The following SPOCK1 variants were observed in gnomAD, a reference collection of about 807,000 sequenced individuals.
SPOCK1 encodes SPARC (osteonectin), cwcv and kazal like domains proteoglycan 1.
Under a neutral mutation model 55.3 loss-of-function variants are expected in SPOCK1, and 23 were observed. That is an observed-to-expected ratio of 0.42 (90% confidence interval 0.30 to 0.59). The LOEUF (loss-of-function observed/expected upper bound fraction) is 0.59, where lower values mean the gene tolerates loss of function less well. Ranked by LOEUF, SPOCK1 falls within the 20% of genes least tolerant of loss-of-function variation. The pLI is 0.22. For synonymous variants in SPOCK1, 226 were observed against 221.0 expected (o/e 1.02, Z -0.20); for missense variants, 499 against 552.5 (o/e 0.90, Z 0.97).
intron 3 of SPOCK1, among the ~76,000 whole-genome samples, chr5:137,155,768 T>C (rs1754404794): frequency 6.6e-6 from 1 of 152,228 alleles, no homozygotes; most frequent in Non-Finnish European, 1.5e-5. Context: ...CCCTGGCATG[T>C]TCCTTTCTCT....
chr5:137,359,395 T>C (rs1330626171), intron 2 of SPOCK1, among the ~76,000 whole-genome samples: 1 of 152,224 alleles, frequency 6.6e-6, no homozygotes, highest in East Asian at 1.9e-4. Context: ...ATCCAGAGCA[T>C]ACAAAATCAA....
At chr5:137,067,627 C>G (rs140565702) in intron 6 of SPOCK1, 88 bp downstream of exon 6, 2 of 1,143,270 alleles carry the variant, frequency 1.7e-6, no homozygotes, top group South Asian at 1.3e-5. Flanking sequence ...CAGTTTGTTC[C>G]TAGTGCCTGG....
intron 2 of SPOCK1, among the ~76,000 whole-genome samples, chr5:137,425,761 T>C (rs988920059): frequency 7.9e-5 from 12 of 152,094 alleles, no homozygotes; most frequent in Non-Finnish European, 1.2e-4. Flanking sequence ...TACATGGAAA[T>C]TTAGAAAGGA....
chr5:137,205,531 C>G (rs919988), intron 3 of SPOCK1, among the ~76,000 whole-genome samples: 60,303 of 152,048 alleles, frequency 0.4, 13,119 homozygotes, highest in Non-Finnish European at 0.48. Flanking sequence ...TTGTCTGAGT[C>G]GGGTGGCAGG....
At chr5:137,314,616 T>C (rs1351832685) in intron 2 of SPOCK1, among the ~76,000 whole-genome samples, 1 of 152,224 alleles carries the variant, frequency 6.6e-6, no homozygotes, top group Admixed American at 6.5e-5. Flanking sequence ...CTGTTCTCTA[T>C]GAAAAGTAGC....
At chr5:137,318,767 A>G (rs999893723) in intron 2 of SPOCK1, among the ~76,000 whole-genome samples, 5 of 152,234 alleles carry the variant, frequency 3.3e-5, no homozygotes, top group African/African-American at 4.8e-5. Flanking sequence ...ACCAGAGCAT[A>G]TATGAGACAG....
At chr5:137,452,317 C>A (rs1385410612) in intron 2 of SPOCK1, among the ~76,000 whole-genome samples, 1 of 152,124 alleles carries the variant, frequency 6.6e-6, no homozygotes, top group Non-Finnish European at 1.5e-5. Flanking sequence ...TATACCAATT[C>A]TGCTGGCTTG....
intron 3 of SPOCK1, among the ~76,000 whole-genome samples, chr5:137,239,804 T>C (rs544176095): frequency 1.3e-5 from 2 of 152,246 alleles, no homozygotes; most frequent in East Asian, 1.9e-4. Flanking sequence ...TTAACTTACA[T>C]TGAATAAGGG....
At chr5:137,388,399 G>A (rs1399802808) in intron 2 of SPOCK1, among the ~76,000 whole-genome samples, 1 of 151,874 alleles carries the variant, frequency 6.6e-6, no homozygotes, top group Non-Finnish European at 1.5e-5. Flanking sequence ...GGGGTATGTG[G>A]CGGGAGGGAG....
chr5:137,342,826 G>A (rs1180905996), intron 2 of SPOCK1, among the ~76,000 whole-genome samples: 4 of 152,160 alleles, frequency 2.6e-5, no homozygotes, highest in Admixed American at 6.5e-5. Context: ...CTCCAAGTTC[G>A]GTGCCCTTTT....
At chr5:137,358,018 A>C (rs1165174242) in intron 2 of SPOCK1, among the ~76,000 whole-genome samples, 1 of 152,152 alleles carries the variant, frequency 6.6e-6, no homozygotes, top group Non-Finnish European at 1.5e-5. Context: ...CCTTCTGACA[A>C]GGACTTCTGG....
At chr5:137,403,437 A>C (rs1449500177) in intron 2 of SPOCK1, among the ~76,000 whole-genome samples, 3 of 152,212 alleles carry the variant, frequency 2.0e-5, no homozygotes, top group Admixed American at 6.5e-5. Flanking sequence ...CAAACAAACA[A>C]AAAAATCCTT....
intron 2 of SPOCK1, among the ~76,000 whole-genome samples, chr5:137,288,695 G>A (rs553488386): frequency 6.6e-6 from 1 of 152,312 alleles, no homozygotes; most frequent in African/African-American, 2.4e-5. Flanking sequence ...TTTACATACA[G>A]AATTCTAAGC....
chr5:137,003,401 A>G (rs1363782265), intron 6 of SPOCK1, among the ~76,000 whole-genome samples: 1 of 152,204 alleles, frequency 6.6e-6, no homozygotes, highest in Non-Finnish European at 1.5e-5. Context: ...TCTGTCTCAT[A>G]AATAAATAAA....
chr5:137,127,188 T>C (rs1021423305), intron 4 of SPOCK1, among the ~76,000 whole-genome samples: 12 of 152,114 alleles, frequency 7.9e-5, no homozygotes, highest in Non-Finnish European at 1.6e-4. Context: ...AGAGCTATCA[T>C]CAAAGACAAG....
chr5:137,463,529 G>C (rs371218377), intron 2 of SPOCK1, among the ~76,000 whole-genome samples: 2 of 151,716 alleles, frequency 1.3e-5, no homozygotes, highest in East Asian at 1.9e-4. Flanking sequence ...AGGGTAGTGG[G>C]GGGGTGTTGG....
At chr5:137,149,586 C>CT (rs1249557219) in intron 3 of SPOCK1, among the ~76,000 whole-genome samples, 1 of 152,208 alleles carries the variant, frequency 6.6e-6, no homozygotes, top group Non-Finnish European at 1.5e-5. Context: ...CTCACACAGT[C>CT]TATCTTTTGT....
At chr5:137,391,224 C>T (rs546687459) in intron 2 of SPOCK1, among the ~76,000 whole-genome samples, 4 of 152,256 alleles carry the variant, frequency 2.6e-5, no homozygotes, top group East Asian at 3.9e-4. Flanking sequence ...CTGCAAAAGA[C>T]GTGAACTCAT....
chr5:137,316,734 T>G (rs1004927712), intron 2 of SPOCK1, among the ~76,000 whole-genome samples: 1 of 152,214 alleles, frequency 6.6e-6, no homozygotes, highest in Non-Finnish European at 1.5e-5. Context: ...CTCTGAATAT[T>G]TCATTCATGC....
Sources: allele counts gnomAD v4.1 joint callset (sites outside exome capture counted in the v4.1 genomes callset), GRCh38; gene constraint gnomAD v4.1.1; transcripts MANE v1.5; gene names NCBI Gene and HGNC (gene_info 2026-07-23, HGNC 2026-07-21).